FOXP2: variants seen among roughly 807,000 people sequenced by gnomAD.
The protein encoded by FOXP2 is forkhead box protein P2.
FOXP2 carries 12 observed loss-of-function variants against 115.8 expected under a neutral mutation model. The observed-to-expected ratio is 0.10, with a 90% CI of 0.07 to 0.17. The LOEUF is 0.17. Ranked by LOEUF, FOXP2 falls within the 10% of genes least tolerant of loss-of-function variation. The probability of loss-of-function intolerance (pLI) is 1.00; values close to 1 mark genes in which losing one functional copy is unlikely to be tolerated. For missense variants in FOXP2, 629 were observed against 843.5 expected (o/e 0.75, Z 3.15); for synonymous variants, 328 against 297.7 (o/e 1.10, Z -1.05).
chr7:114,173,361 T>C (rs888390463), intron 1 of FOXP2, among the ~76,000 whole-genome samples: 1 of 151,780 alleles, frequency 6.6e-6, no homozygotes, highest in Admixed American at 6.6e-5. Context: ...TTTCTTTTTT[T>C]TTCTTCTTCT....
At chr7:114,583,143 C>T (rs1801953156) in intron 3 of FOXP2, among the ~76,000 whole-genome samples, 1 of 152,018 alleles carries the variant, frequency 6.6e-6, no homozygotes, top group Non-Finnish European at 1.5e-5. Context: ...TTTGGGAGGC[C>T]AAGGCAGGCA....
intron 1 of FOXP2, among the ~76,000 whole-genome samples, chr7:114,244,917 A>G (rs1488028673): frequency 1.3e-5 from 2 of 151,570 alleles, no homozygotes; most frequent in Non-Finnish European, 2.9e-5. Context: ...GCCCACCATC[A>G]CGCCCGGCTA....
intron 16 of FOXP2, among the ~76,000 whole-genome samples, chr7:114,681,981 G>T (rs770659469): frequency 3.3e-5 from 5 of 152,052 alleles, no homozygotes; most frequent in Admixed American, 6.5e-5. Context: ...TCCAAAAAAG[G>T]TTATAAGGTT....
In FOXP2 at chr7:114,692,341, G is replaced by A. The variant is rs1307742822; in HGVS notation, c.*2415G>A. The A allele has an allele frequency of 2.2e-6, 1 of 453,850 alleles. No individual in the cohort carries two copies. Among genetic ancestry groups the A allele is most frequent in the Admixed American group, 2.4e-5 (1 of 42,540 alleles). 28.1% of individuals were successfully genotyped at this position (453,850 alleles called of 1,614,324 possible). A position where few individuals can be genotyped will look rare whatever the true frequency, so the allele number is the denominator to read the frequency against. ...GTAGAGTTTTGCATGGGTTTTATAT[G>A]AATACAATTTTAAAAAATAGCTGCT... On this transcript the variant is annotated 3_prime_UTR_variant, in exon 17 of 17. Transcript: ENST00000350908.
chr7:114,481,812 A>ATATCTATC (rs1318334864), intron 2 of FOXP2, among the ~76,000 whole-genome samples: 6 of 125,134 alleles, frequency 4.8e-5, no homozygotes, highest in African/African-American at 1.8e-4. Flanking sequence ...ATCTATCTAT[A>ATATCTATC]TATCTATCTA....
At chr7:114,270,560 A>G (rs1457748326) in intron 1 of FOXP2, among the ~76,000 whole-genome samples, 1 of 152,162 alleles carries the variant, frequency 6.6e-6, no homozygotes, top group Admixed American at 6.6e-5. Context: ...TTCCCTGATG[A>G]CATAGGTTGT....
intron 2 of FOXP2, among the ~76,000 whole-genome samples, chr7:114,357,071 G>A (rs1213226430): frequency 6.6e-6 from 1 of 152,096 alleles, no homozygotes. Context: ...CCAGAGTATT[G>A]CTCTTTTTTC....
At chr7:114,136,654 T>C (rs1792046698) in intron 1 of FOXP2, among the ~76,000 whole-genome samples, 1 of 151,578 alleles carries the variant, frequency 6.6e-6, no homozygotes, top group Non-Finnish European at 1.5e-5. Flanking sequence ...TGTAAGGCCA[T>C]TTAGATAAAT....
chr7:114,282,878 A>G (rs1796374467), intron 1 of FOXP2, among the ~76,000 whole-genome samples: 1 of 152,192 alleles, frequency 6.6e-6, no homozygotes, highest in African/African-American at 2.4e-5. Context: ...CTTTCATGCT[A>G]ATACAAAAAA....
At chr7:114,500,795 A>G (rs1249655623) in intron 2 of FOXP2, among the ~76,000 whole-genome samples, 2 of 152,212 alleles carry the variant, frequency 1.3e-5, no homozygotes, top group Non-Finnish European at 2.9e-5. Flanking sequence ...TCACATAAAA[A>G]GTAATTATGA....
At chr7:114,225,522 G>T (rs1794724984) in intron 1 of FOXP2, among the ~76,000 whole-genome samples, 1 of 151,966 alleles carries the variant, frequency 6.6e-6, no homozygotes, top group South Asian at 2.1e-4. Context: ...ATGGATCACT[G>T]CAACCACAGA....
At chr7:114,114,568 GT>G (rs1246474961) in intron 1 of FOXP2, among the ~76,000 whole-genome samples, 3 of 151,718 alleles carry the variant, frequency 2.0e-5, no homozygotes, top group African/African-American at 7.3e-5. Flanking sequence ...ATTTCTGTTT[GT>G]TTTTTTTCTC....
At chr7:114,191,964 T>C (rs1296588116) in intron 1 of FOXP2, among the ~76,000 whole-genome samples, 1 of 152,188 alleles carries the variant, frequency 6.6e-6, no homozygotes. Context: ...TATTACTGTC[T>C]CTGTAGTTTT....
chr7:114,304,351 A>C (rs764168584), intron 2 of FOXP2, among the ~76,000 whole-genome samples: 1 of 151,986 alleles, frequency 6.6e-6, no homozygotes, highest in Admixed American at 6.6e-5. Context: ...AAATTATATC[A>C]TTCATTTTTA....
chr7:114,490,245 T>G (rs1355461306), intron 2 of FOXP2, among the ~76,000 whole-genome samples: 1 of 152,042 alleles, frequency 6.6e-6, no homozygotes, highest in Admixed American at 6.6e-5. Context: ...TAAAATGAAA[T>G]GAGCTATCAA....
At chr7:114,281,757 T>G (rs1214003416) in intron 1 of FOXP2, among the ~76,000 whole-genome samples, 2 of 152,222 alleles carry the variant, frequency 1.3e-5, no homozygotes, top group Non-Finnish European at 2.9e-5. Context: ...TAAATATGTT[T>G]CAAACTGTAC....
rs369392348 is a variant in FOXP2, at chr7:114,462,152, G to A, written c.168+35473G>A. Among the ~76,000 whole-genome samples the A allele has an allele frequency of 5.0e-4, 76 of 150,900 alleles. No individual in the cohort carries two copies. In the East Asian group the frequency reaches 0.012, roughly 23 times the overall value. On this transcript the variant is annotated intron_variant, in intron 2 of 16. Coordinates refer to ENST00000350908, the MANE Select transcript of FOXP2 (RefSeq NM_014491.4). ...AAAAATTAGCCGGGCGCGGTGGCAC[G>A]TGCCTGTAGTCCCAGCTACTCGGGA...
chr7:114,595,698 T>A (rs567301230), intron 3 of FOXP2, among the ~76,000 whole-genome samples: 15 of 152,082 alleles, frequency 9.9e-5, no homozygotes, highest in African/African-American at 3.4e-4. Flanking sequence ...ACAGTGCTAA[T>A]TCCCCAGAGA....
At chr7:114,447,730 G>C (rs7788102) in intron 2 of FOXP2, among the ~76,000 whole-genome samples, 2,372 of 152,032 alleles carry the variant, frequency 0.016, 61 homozygotes, top group African/African-American at 0.054. Flanking sequence ...ACCTACCCCC[G>C]ACCCATACAC....
Sources: allele counts gnomAD v4.1 joint callset (sites outside exome capture counted in the v4.1 genomes callset), GRCh38; gene constraint gnomAD v4.1.1; transcripts MANE v1.5; gene names NCBI Gene and HGNC (gene_info 2026-07-23, HGNC 2026-07-21).